Variants in PIP5K1A observed in about 807,000 individuals in gnomAD.
PIP5K1A encodes phosphatidylinositol 4-phosphate 5-kinase type-1 alpha.
PIP5K1A carries 46 observed loss-of-function variants against 72.9 expected under a neutral mutation model. The observed-to-expected ratio is 0.63, with a 90% CI of 0.50 to 0.81. The LOEUF is 0.81. Among genes scored for constraint, PIP5K1A ranks in the 30% least tolerant of loss-of-function variants. The pLI is 0.00. For missense variants in PIP5K1A, 458 were observed against 706.1 expected (o/e 0.65, Z 3.98); for synonymous variants, 228 against 255.1 (o/e 0.89, Z 1.01).
intron 1 of PIP5K1A, among the ~76,000 whole-genome samples, chr1:151,202,811 C>T (rs940043556): frequency 1.7e-4 from 25 of 150,724 alleles, no homozygotes; most frequent in African/African-American, 5.4e-4. Context: ...CTCTCTCTGT[C>T]GCCCAGGCTG....
At chr1:151,203,060 C>G (rs192869217) in intron 1 of PIP5K1A, among the ~76,000 whole-genome samples, 1 of 152,278 alleles carries the variant, frequency 6.6e-6, no homozygotes, top group Admixed American at 6.5e-5. Context: ...GCTTTAGCCG[C>G]CGCCGCTGGC....
upstream of PIP5K1A, among the ~76,000 whole-genome samples, chr1:151,196,927 C>G (rs1028867788): frequency 1.4e-5 from 2 of 140,760 alleles, no homozygotes; most frequent in African/African-American, 2.7e-5. Context: ...ATGGCGCGAT[C>G]TTGGCTCACT....
At chr1:151,196,950 T>A (rs1684605896), upstream of PIP5K1A, among the ~76,000 whole-genome samples, 1 of 147,860 alleles carries the variant, frequency 6.8e-6, no homozygotes, top group South Asian at 2.2e-4. Flanking sequence ...AACCTCTGCC[T>A]CCTGGGTTCA....
At chr1:151,200,882 T>C (rs1685128356) in intron 1 of PIP5K1A, among the ~76,000 whole-genome samples, 1 of 152,044 alleles carries the variant, frequency 6.6e-6, no homozygotes, top group Non-Finnish European at 1.5e-5. Flanking sequence ...CAGGCTGGAG[T>C]GCAGTGGGGC....
chr1:151,224,526 T>C (rs1017005251), intron 3 of PIP5K1A, 120 bp downstream of exon 3: 7 of 738,982 alleles, frequency 9.5e-6, no homozygotes, highest in Admixed American at 8.7e-5. Flanking sequence ...AAGTAAATAC[T>C]GTACCTAAGT....
upstream of PIP5K1A, among the ~76,000 whole-genome samples, chr1:151,197,437 G>A (rs981585901): frequency 1.3e-5 from 2 of 151,868 alleles, no homozygotes; most frequent in Non-Finnish European, 2.9e-5. Context: ...CCGCCACCAC[G>A]CCCGGCTAAT....
chr1:151,224,275 C>T lies in PIP5K1A; in HGVS notation c.116C>T (p.Ser39Phe). 4 of 1,613,236 alleles carry T rather than the reference C, an allele frequency of 2.5e-6. No homozygotes were observed. The highest frequency in any genetic ancestry group is 3.4e-6 in the Non-Finnish European group (4 of 1,179,378). ...AASGIKRPMASEVLEARQDSY... is the reference protein window; with the variant it reads ...AASGIKRPMAFEVLEARQDSY... ...TCTGGAATCAAGAGACCCATGGCATCTGAGGTGAGTTTCATACTGATACAA... is the reference window on the plus strand; with the variant it reads ...TCTGGAATCAAGAGACCCATGGCATTTGAGGTGAGTTTCATACTGATACAA... Residue 39 changes from serine to phenylalanine, a missense_variant, in exon 2 of 16, where the codon TCT (serine) becomes TTT (phenylalanine). Transcript: ENST00000368888.
intron 1 of PIP5K1A, among the ~76,000 whole-genome samples, chr1:151,206,777 G>T: frequency 6.6e-6 from 1 of 152,130 alleles, no homozygotes; most frequent in East Asian, 1.9e-4. Flanking sequence ...TGCTGGCCAG[G>T]CTGGTCTCTA....
At chr1:151,222,133 T>TA (rs1688480114) in intron 1 of PIP5K1A, among the ~76,000 whole-genome samples, 1 of 152,176 alleles carries the variant, frequency 6.6e-6, no homozygotes, top group Non-Finnish European at 1.5e-5. Flanking sequence ...TTGATATAGA[T>TA]ACGATATTTT....
At chr1:151,209,685 C>A (rs1686506417) in intron 1 of PIP5K1A, among the ~76,000 whole-genome samples, 1 of 150,540 alleles carries the variant, frequency 6.6e-6, no homozygotes, top group African/African-American at 2.4e-5. Context: ...GTGATCCGCC[C>A]ACCTCAGCCT....
intron 1 of PIP5K1A, among the ~76,000 whole-genome samples, chr1:151,212,412 A>G (rs1433798493): frequency 6.6e-6 from 1 of 152,188 alleles, no homozygotes; most frequent in South Asian, 2.1e-4. Context: ...AAATTTATGA[A>G]GAATCATAGT....
intron 9 of PIP5K1A, among the ~76,000 whole-genome samples, chr1:151,237,074 C>T (rs1690996781): frequency 6.6e-6 from 1 of 152,062 alleles, no homozygotes; most frequent in Non-Finnish European, 1.5e-5. Context: ...AGGTGATCCA[C>T]CCGCCTTGGC....
chr1:151,202,575 C>G (rs115114702), intron 1 of PIP5K1A, among the ~76,000 whole-genome samples: 85 of 151,772 alleles, frequency 5.6e-4, no homozygotes, highest in African/African-American at 2.1e-3. Context: ...CGGGTTCAAG[C>G]GAGTTGCCTG....
intron 4 of PIP5K1A, 52 bp downstream of exon 4, chr1:151,227,452 T>C: frequency 2.5e-6 from 3 of 1,184,230 alleles, no homozygotes; most frequent in Non-Finnish European, 3.8e-6. Flanking sequence ...AGCAGCTTAC[T>C]CTGGGAACTC....
intron 15 of PIP5K1A, among the ~76,000 whole-genome samples, chr1:151,247,304 T>G (rs1558309722): frequency 6.6e-6 from 1 of 151,584 alleles, no homozygotes; most frequent in Non-Finnish European, 1.5e-5. Context: ...AATTTTTTAT[T>G]TTTTAGTAGG....
At chr1:151,202,136 T>A (rs912180957) in intron 1 of PIP5K1A, among the ~76,000 whole-genome samples, 8 of 152,202 alleles carry the variant, frequency 5.3e-5, no homozygotes, top group Non-Finnish European at 8.8e-5. Context: ...GCCAGAAGAT[T>A]GGGAGTGCCT....
chr1:151,200,461 C>T (rs1051463891), intron 1 of PIP5K1A, among the ~76,000 whole-genome samples: 4 of 152,058 alleles, frequency 2.6e-5, no homozygotes, highest in Admixed American at 6.6e-5. Context: ...GCGCTTCCAT[C>T]AGAAGTGTCT....
intron 11 of PIP5K1A, 39 bp from the exon 12 acceptor site, chr1:151,239,916 C>A (rs372703080): frequency 7.5e-7 from 1 of 1,329,832 alleles, no homozygotes; most frequent in Non-Finnish European, 1.0e-6. Context: ...TTCCTCTTGC[C>A]GGGCCTCCTA....
In PIP5K1A at chr1:151,248,909, A is replaced by G. The variant is rs1343758391; in HGVS notation, c.*1044A>G. The G allele has an allele frequency of 6.6e-6, 1 of 152,560 alleles. No individual in the cohort carries two copies. Among genetic ancestry groups the G allele is most frequent in the Non-Finnish European group, 1.5e-5 (1 of 68,038 alleles). 9.5% of individuals were successfully genotyped at this position (152,560 alleles called of 1,614,324 possible). ...CTTCTGTCTGTTTAACAGACAGTCC[A>G]TATCTGTGAGGCCAGCAAATATTTT... is the stretch of plus-strand genomic sequence containing the variant. On this transcript the variant is annotated 3_prime_UTR_variant, in exon 16 of 16. Transcript: ENST00000368888.
Sources: allele counts gnomAD v4.1 joint callset (sites outside exome capture counted in the v4.1 genomes callset), GRCh38; gene constraint gnomAD v4.1.1; transcripts MANE v1.5; gene names NCBI Gene and HGNC (gene_info 2026-07-23, HGNC 2026-07-21).